Variants in TMEM232 observed in about 807,000 individuals in gnomAD.
TMEM232 encodes the protein transmembrane protein 232.
A neutral mutation model predicts 78.8 loss-of-function variants in TMEM232; 80 were observed. The observed-to-expected ratio is 1.01, with a 90% CI of 0.85 to 1.22. TMEM232 has a LOEUF of 1.22. Ranked by LOEUF, TMEM232 falls within the 50% of genes most tolerant of loss-of-function variation. The pLI is 0.00. For synonymous variants in TMEM232, 297 were observed against 254.3 expected (o/e 1.17, Z -1.60); for missense variants, 881 against 742.2 (o/e 1.19, Z -2.17).
chr5:110,535,087 G>C (rs138523384), intron 11 of TMEM232, among the ~76,000 whole-genome samples: 1 of 151,788 alleles, frequency 6.6e-6, no homozygotes, highest in Non-Finnish European at 1.5e-5. Flanking sequence ...CCACTATTTC[G>C]TTTTTTCTTA....
intron 7 of TMEM232, among the ~76,000 whole-genome samples, chr5:110,623,071 A>G (rs1410011758): frequency 6.6e-6 from 1 of 152,112 alleles, no homozygotes; most frequent in Non-Finnish European, 1.5e-5. Context: ...GGAAAACTCA[A>G]TCCAGCGTTC....
At chr5:110,582,526 G>T (rs1778324618) in intron 10 of TMEM232, among the ~76,000 whole-genome samples, 1 of 151,960 alleles carries the variant, frequency 6.6e-6, no homozygotes, top group Non-Finnish European at 1.5e-5. Flanking sequence ...ACGAGGGGAA[G>T]AGGCAGTGGC....
chr5:110,551,793 C>T (rs1372466193), intron 11 of TMEM232, among the ~76,000 whole-genome samples: 1 of 152,056 alleles, frequency 6.6e-6, no homozygotes, highest in African/African-American at 2.4e-5. Flanking sequence ...AACTATTGGG[C>T]TGACAATTGA....
chr5:110,650,711 C>T (rs1788184677), intron 2 of TMEM232, among the ~76,000 whole-genome samples: 1 of 151,936 alleles, frequency 6.6e-6, no homozygotes, highest in African/African-American at 2.4e-5. Flanking sequence ...CCTAGAAGAG[C>T]CAAAGGAGAC....
At chr5:110,713,604 T>C (rs1362564055) in intron 1 of TMEM232, among the ~76,000 whole-genome samples, 1 of 152,094 alleles carries the variant, frequency 6.6e-6, no homozygotes, top group African/African-American at 2.4e-5. Context: ...CATTTCAAAA[T>C]TTGAAAAACA....
At chr5:110,540,425 G>A (rs1329445557) in intron 11 of TMEM232, among the ~76,000 whole-genome samples, 1 of 152,128 alleles carries the variant, frequency 6.6e-6, no homozygotes, top group African/African-American at 2.4e-5. Context: ...CTAATACCAT[G>A]CCACACTCTT....
At chr5:110,501,510 T>G (rs1766258373) in intron 12 of TMEM232, among the ~76,000 whole-genome samples, 1 of 152,154 alleles carries the variant, frequency 6.6e-6, no homozygotes, top group Non-Finnish European at 1.5e-5. Flanking sequence ...CAGGATAACT[T>G]TTCAGGAGAC....
In TMEM232 at chr5:110,587,375, A is replaced by T. The variant is rs186721910; in HGVS notation, c.1276+17734T>A. ...TATGATATTTGCTATGTTATCAAACAAGATGGTAAACTCCAAATGTGTAAA... is the reference window on the plus strand; with the variant it reads ...TATGATATTTGCTATGTTATCAAACTAGATGGTAAACTCCAAATGTGTAAA... On this transcript the variant is annotated intron_variant, in intron 10 of 13. Transcript: ENST00000455884. 2.0e-4 allele frequency among the ~76,000 whole-genome samples: 30 copies of T among 152,206 alleles called. No homozygotes were observed. The East Asian group carries it at 5.2e-3, about 26-fold the overall frequency.
intron 12 of TMEM232, among the ~76,000 whole-genome samples, chr5:110,480,951 A>C (rs1205561485): frequency 2.0e-5 from 3 of 152,078 alleles, no homozygotes; most frequent in Admixed American, 1.3e-4. Flanking sequence ...TATACTATAA[A>C]TTATATGATT....
intron 1 of TMEM232, among the ~76,000 whole-genome samples, chr5:110,696,860 T>C (rs1794849080): frequency 6.6e-6 from 1 of 152,140 alleles, no homozygotes; most frequent in South Asian, 2.1e-4. Flanking sequence ...ATCATGAAGA[T>C]GGCCATACTG....
intron 2 of TMEM232, among the ~76,000 whole-genome samples, chr5:110,734,611 T>C (rs1262079342): frequency 6.6e-6 from 1 of 152,198 alleles, no homozygotes; most frequent in Non-Finnish European, 1.5e-5. Flanking sequence ...AACTCGGCAA[T>C]TAAGAAAATT....
At chr5:110,442,749 C>T (rs1172087535) in intron 12 of TMEM232, among the ~76,000 whole-genome samples, 1 of 152,040 alleles carries the variant, frequency 6.6e-6, no homozygotes, top group Non-Finnish European at 1.5e-5. Context: ...TCTGGGCTTT[C>T]TTGTGGTCAT....
At chr5:110,631,790 C>T (rs1464602726) in intron 5 of TMEM232, among the ~76,000 whole-genome samples, 2 of 152,120 alleles carry the variant, frequency 1.3e-5, no homozygotes, top group Non-Finnish European at 2.9e-5. Flanking sequence ...CATCAGCATG[C>T]ACTGCTCAGG....
intron 1 of TMEM232, among the ~76,000 whole-genome samples, chr5:110,699,522 A>C (rs1269623969): frequency 6.6e-6 from 1 of 152,096 alleles, no homozygotes; most frequent in East Asian, 1.9e-4. Context: ...GCACAATTGC[A>C]AAGAGCTGGC....
At chr5:110,719,645 C>T (rs1419329640) in intron 1 of TMEM232, among the ~76,000 whole-genome samples, 1 of 151,952 alleles carries the variant, frequency 6.6e-6, no homozygotes, top group Non-Finnish European at 1.5e-5. Flanking sequence ...ATATTGTTTG[C>T]TTATTTTGTG....
chr5:110,485,640 C>A (rs1318707910), intron 12 of TMEM232, among the ~76,000 whole-genome samples: 3 of 152,112 alleles, frequency 2.0e-5, no homozygotes, highest in Non-Finnish European at 4.4e-5. Flanking sequence ...GCTGTTAATT[C>A]ATTCTTTTTT....
intron 10 of TMEM232, among the ~76,000 whole-genome samples, chr5:110,579,638 G>C (rs572346141): frequency 6.6e-6 from 1 of 151,332 alleles, no homozygotes. Flanking sequence ...TTTTAGGTAA[G>C]ACCCATATTA....
intron 12 of TMEM232, among the ~76,000 whole-genome samples, chr5:110,461,854 ATATTT>A (rs1049255456): frequency 2.0e-5 from 3 of 152,190 alleles, no homozygotes; most frequent in Non-Finnish European, 4.4e-5. Flanking sequence ...GGTTTGCTGA[ATATTT>A]TAAGCATATT....
At chr5:110,567,531 C>T (rs1282201528) in intron 11 of TMEM232, among the ~76,000 whole-genome samples, 1 of 151,600 alleles carries the variant, frequency 6.6e-6, no homozygotes. Context: ...ATAAAATGTT[C>T]TTGTGTCCTC....
Sources: allele counts gnomAD v4.1 joint callset (sites outside exome capture counted in the v4.1 genomes callset), GRCh38; gene constraint gnomAD v4.1.1; transcripts MANE v1.5; gene names NCBI Gene and HGNC (gene_info 2026-07-23, HGNC 2026-07-21).